The following PRR16 variants were observed in gnomAD, a reference collection of about 807,000 sequenced individuals.
PRR16 encodes the protein protein Largen.
Under a neutral mutation model 18.2 loss-of-function variants are expected in PRR16, and 6 were observed. The ratio of observed to expected loss-of-function variants is 0.33; its 90% CI spans 0.18 to 0.65. The LOEUF (loss-of-function observed/expected upper bound fraction) is 0.65. Among genes scored for constraint, PRR16 ranks in the 30% least tolerant of loss-of-function variants. The pLI is 0.74. For synonymous variants in PRR16, 151 were observed against 147.8 expected (o/e 1.02, Z -0.16); for missense variants, 412 against 376.6 (o/e 1.09, Z -0.78).
intron 1 of PRR16, among the ~76,000 whole-genome samples, chr5:120,626,370 A>G (rs1448179369): frequency 6.6e-6 from 1 of 152,190 alleles, no homozygotes. Context: ...GAAACCAGAT[A>G]TAAAAGACTA....
the PRR16 span, among the ~76,000 whole-genome samples, chr5:120,713,060 A>T: frequency 2.8e-4 from 43 of 152,282 alleles, no homozygotes; most frequent in East Asian, 5.8e-3. Flanking sequence ...ATGTGAAAAC[A>T]ACCTGGGCTC....
At chr5:120,582,291 G>A (rs1019757434) in intron 1 of PRR16, among the ~76,000 whole-genome samples, 5 of 151,974 alleles carry the variant, frequency 3.3e-5, no homozygotes, top group Non-Finnish European at 7.4e-5. Context: ...TATAGAAAGT[G>A]GAATCTCTAA....
the PRR16 span, among the ~76,000 whole-genome samples, chr5:120,701,267 T>C: frequency 2.0e-5 from 3 of 152,166 alleles, no homozygotes; most frequent in South Asian, 2.1e-4. Context: ...GGAGTTTTAT[T>C]TAATGTCGGG....
At chr5:120,658,870 A>G (rs2150136933) in intron 1 of PRR16, among the ~76,000 whole-genome samples, 1 of 152,036 alleles carries the variant, frequency 6.6e-6, no homozygotes, top group East Asian at 1.9e-4. Context: ...CTAAAAGTCT[A>G]AAGAAGTAGT....
At chr5:120,497,298 T>C (rs1750279945) in intron 1 of PRR16, among the ~76,000 whole-genome samples, 1 of 151,426 alleles carries the variant, frequency 6.6e-6, no homozygotes, top group East Asian at 1.9e-4. Context: ...GAAGGAATGT[T>C]GAACTGTTCA....
Position 120,587,295 on chromosome 5 carries a change from A to G in PRR16, c.160-98659A>G, listed in dbSNP as rs560192143. 1.3e-4 allele frequency among the ~76,000 whole-genome samples: 20 copies of G among 152,348 alleles called. No individual in the cohort carries two copies. In the East Asian group the frequency reaches 3.7e-3, roughly 28 times the overall value. ...CTGTAGCAAGTTATCCAGAAGACCT[A>G]AGATAATTGATTAAGGTGGCTACAC... On this transcript the variant is annotated intron_variant, in intron 1 of 1. Coordinates refer to ENST00000407149, the MANE Select transcript of PRR16 (RefSeq NM_001300783.2).
intron 1 of PRR16, among the ~76,000 whole-genome samples, chr5:120,555,981 A>G (rs1752397172): frequency 1.3e-5 from 2 of 151,884 alleles, no homozygotes; most frequent in South Asian, 4.1e-4. Context: ...ATGTCAGCTA[A>G]GTCATATTCT....
chr5:120,699,083 A>G, the PRR16 span, among the ~76,000 whole-genome samples: 1 of 152,008 alleles, frequency 6.6e-6, no homozygotes, highest in African/African-American at 2.4e-5. Context: ...GACTCGGGAC[A>G]TGTTGAGTAA....
At chr5:120,755,221 A>C in the PRR16 span, among the ~76,000 whole-genome samples, 1 of 152,138 alleles carries the variant, frequency 6.6e-6, no homozygotes, top group South Asian at 2.1e-4. Flanking sequence ...ATCTAAAAAA[A>C]ATAAAAAATA....
the PRR16 span, among the ~76,000 whole-genome samples, chr5:120,750,807 T>A: frequency 5.3e-5 from 8 of 152,312 alleles, no homozygotes; most frequent in Middle Eastern, 6.8e-3. Flanking sequence ...TTTTTTATGG[T>A]GTTGGGAATA....
chr5:120,759,007 G>A, the PRR16 span, among the ~76,000 whole-genome samples: 14 of 92,726 alleles, frequency 1.5e-4, 1 homozygote, highest in East Asian at 3.6e-3. Flanking sequence ...ACGGAGTCTT[G>A]CTTCTGTCAC....
chr5:120,738,049 C>T, the PRR16 span, among the ~76,000 whole-genome samples: 8,620 of 151,760 alleles, frequency 0.057, 318 homozygotes, highest in South Asian at 0.084. Flanking sequence ...TAAGAAAATG[C>T]CTTTTTGGGC....
At chr5:120,504,820 C>T (rs930098328) in intron 1 of PRR16, among the ~76,000 whole-genome samples, 5 of 152,194 alleles carry the variant, frequency 3.3e-5, no homozygotes, top group East Asian at 1.9e-4. Flanking sequence ...GCCAAAGAGT[C>T]GCATACCCTG....
chr5:120,569,772 A>G (rs1420960796), intron 1 of PRR16, among the ~76,000 whole-genome samples: 1 of 152,136 alleles, frequency 6.6e-6, no homozygotes, highest in African/African-American at 2.4e-5. Context: ...TTTGCCAGTC[A>G]GAGGTAGAAA....
chr5:120,484,577 A>T (rs1749729513), intron 1 of PRR16, among the ~76,000 whole-genome samples: 1 of 146,074 alleles, frequency 6.8e-6, no homozygotes, highest in Admixed American at 7.0e-5. Context: ...AAATATATTC[A>T]TTTATATATA....
intron 1 of PRR16, chr5:120,618,461 T>G: frequency 1.0e-6 from 1 of 968,632 alleles, no homozygotes; most frequent in Non-Finnish European, 1.2e-6. Flanking sequence ...TGCTGTGTCA[T>G]GAATCAAGTC....
intron 1 of PRR16, among the ~76,000 whole-genome samples, chr5:120,582,032 A>G (rs924851986): frequency 6.6e-6 from 1 of 152,214 alleles, no homozygotes; most frequent in Non-Finnish European, 1.5e-5. Flanking sequence ...ACAATTCACA[A>G]TACTGAAGTC....
intron 1 of PRR16, among the ~76,000 whole-genome samples, chr5:120,559,599 T>C (rs1326477830): frequency 6.6e-6 from 1 of 151,796 alleles, no homozygotes; most frequent in African/African-American, 2.4e-5. Context: ...TTTTGGTAAT[T>C]GTTTTTGATC....
At chr5:120,592,037 C>A (rs73786540) in intron 1 of PRR16, among the ~76,000 whole-genome samples, 1,691 of 151,506 alleles carry the variant, frequency 0.011, 51 homozygotes, top group African/African-American at 0.039. Flanking sequence ...CAGCTTGAAT[C>A]TTTATGTAGC....
Sources: allele counts gnomAD v4.1 joint callset (sites outside exome capture counted in the v4.1 genomes callset), GRCh38; gene constraint gnomAD v4.1.1; transcripts MANE v1.5; gene names NCBI Gene and HGNC (gene_info 2026-07-23, HGNC 2026-07-21).